Variants in ATRNL1 observed in about 807,000 individuals in gnomAD.
ATRNL1 encodes the protein attractin like 1, also known as attractin-like protein 1.
In ATRNL1, 95 loss-of-function variants were observed where a neutral mutation model predicts 182.7. The ratio of observed to expected loss-of-function variants is 0.52; its 90% CI spans 0.44 to 0.62. The LOEUF is 0.62. Among genes scored for constraint, ATRNL1 ranks in the 20% least tolerant of loss-of-function variants. The pLI, the probability that ATRNL1 is intolerant of heterozygous loss-of-function variation, is 0.00. For synonymous variants in ATRNL1, 576 were observed against 568.3 expected, an observed-to-expected ratio of 1.01 and a Z score of -0.19; for missense variants, 1,471 against 1,679.5, an observed-to-expected ratio of 0.88 and a Z score of 2.17.
At chr10:115,223,253 C>G (rs1395533348) in intron 9 of ATRNL1, among the ~76,000 whole-genome samples, 1 of 152,098 alleles carries the variant, frequency 6.6e-6, no homozygotes, top group African/African-American at 2.4e-5. Context: ...TGGACTCCAG[C>G]CTGGACGACA....
intron 24 of ATRNL1, among the ~76,000 whole-genome samples, chr10:115,470,884 GTTTA>G (rs1269035961): frequency 2.0e-5 from 3 of 150,578 alleles, no homozygotes; most frequent in Admixed American, 1.3e-4. Flanking sequence ...TAATATATGT[GTTTA>G]TTTATAAGAC....
At chr10:115,777,465 C>G in intron 27 of ATRNL1, among the ~76,000 whole-genome samples, 1 of 152,004 alleles carries the variant, frequency 6.6e-6, no homozygotes, top group East Asian at 1.9e-4. Flanking sequence ...TCTTGCTAAG[C>G]AAATAGTATA....
chr10:115,596,549 G>T (rs1477153421), intron 26 of ATRNL1, among the ~76,000 whole-genome samples: 1 of 152,176 alleles, frequency 6.6e-6, no homozygotes, highest in East Asian at 1.9e-4. Flanking sequence ...TGGAAAGGAA[G>T]ATCTTTGTGC....
intron 15 of ATRNL1, among the ~76,000 whole-genome samples, chr10:115,293,573 A>G (rs1301210518): frequency 2.0e-5 from 3 of 151,604 alleles, no homozygotes; most frequent in Admixed American, 6.6e-5. Context: ...ATAATTTTGT[A>G]TATGTTCATT....
intron 8 of ATRNL1, among the ~76,000 whole-genome samples, chr10:115,173,817 GTTA>G (rs1847385911): frequency 6.7e-6 from 1 of 148,464 alleles, no homozygotes; most frequent in African/African-American, 2.5e-5. Context: ...TCCCTTTATT[GTTA>G]TTATTGTTTA....
At chr10:115,810,081 G>A (rs555379758) in intron 27 of ATRNL1, among the ~76,000 whole-genome samples, 2 of 151,694 alleles carry the variant, frequency 1.3e-5, no homozygotes, top group African/African-American at 4.8e-5. Context: ...TGTTATTATG[G>A]TAAATTAAAT....
At chr10:115,120,613 A>G (rs1187265936) in intron 2 of ATRNL1, among the ~76,000 whole-genome samples, 3 of 152,104 alleles carry the variant, frequency 2.0e-5, no homozygotes, top group Non-Finnish European at 4.4e-5. Flanking sequence ...ATAATTTAGC[A>G]TTTTAGTTCA....
intron 20 of ATRNL1, among the ~76,000 whole-genome samples, chr10:115,398,018 C>T (rs782506566): frequency 2.6e-5 from 4 of 151,738 alleles, no homozygotes; most frequent in South Asian, 2.1e-4. Context: ...TGATATTTGG[C>T]GGGGATTAGG....
chr10:115,759,841 ATTTTTTT>A (rs58578796), intron 27 of ATRNL1, among the ~76,000 whole-genome samples: 6 of 62,698 alleles, frequency 9.6e-5, no homozygotes, highest in African/African-American at 2.9e-4. Flanking sequence ...ACACCTGGCT[ATTTTTTT>A]TTTTTTTTTT....
At chr10:115,306,162 C>T (rs1195641455) in intron 17 of ATRNL1, among the ~76,000 whole-genome samples, 2 of 152,044 alleles carry the variant, frequency 1.3e-5, no homozygotes, top group African/African-American at 4.8e-5. Flanking sequence ...GTATAACACA[C>T]ATAACATAAA....
chr10:115,268,596 T>A, intron 13 of ATRNL1, 152 bp downstream of exon 13: 1 of 559,912 alleles, frequency 1.8e-6, no homozygotes, highest in Non-Finnish European at 3.2e-6. Flanking sequence ...CTTGGCAAAT[T>A]GTGAAGTTAG....
chr10:115,350,913 T>C (rs186954570), intron 19 of ATRNL1, among the ~76,000 whole-genome samples: 1 of 152,298 alleles, frequency 6.6e-6, no homozygotes, highest in East Asian at 1.9e-4. Flanking sequence ...TGATATATAT[T>C]TTCTTTTTTG....
chr10:115,196,973 C>T lies in ATRNL1; in HGVS notation c.1349-18724C>T, dbSNP rs533593476. Among the ~76,000 whole-genome samples the T allele has an allele frequency of 7.9e-5, 12 of 152,190 alleles. No homozygotes were observed. In the South Asian group the frequency reaches 2.3e-3, roughly 29 times the overall value. On this transcript the variant is annotated intron_variant, in intron 8 of 28. Coordinates refer to ENST00000355044, the MANE Select transcript of ATRNL1 (RefSeq NM_207303.4). ...GTGACAGCAGATATTCCTGCCTTTT[C>T]CCTTATTTTAGCAGGGAAATATGCA...
chr10:115,182,822 A>G (rs1847798994), intron 8 of ATRNL1, among the ~76,000 whole-genome samples: 1 of 151,628 alleles, frequency 6.6e-6, no homozygotes, highest in East Asian at 1.9e-4. Context: ...TATAGAAAAC[A>G]GAAACCACAG....
chr10:115,479,270 A>G (rs1295134701), intron 24 of ATRNL1, among the ~76,000 whole-genome samples: 1 of 151,592 alleles, frequency 6.6e-6, no homozygotes, highest in Non-Finnish European at 1.5e-5. Context: ...TTGTAGTACC[A>G]TAGTCTTATA....
chr10:115,890,289 G>T (rs1029737989), intron 28 of ATRNL1, among the ~76,000 whole-genome samples: 1 of 152,136 alleles, frequency 6.6e-6, no homozygotes, highest in Non-Finnish European at 1.5e-5. Flanking sequence ...AGAATGAGAA[G>T]TTGAAGGATT....
intron 27 of ATRNL1, among the ~76,000 whole-genome samples, chr10:115,783,438 C>T (rs1465917974): frequency 2.0e-5 from 3 of 152,120 alleles, no homozygotes; most frequent in Non-Finnish European, 4.4e-5. Flanking sequence ...TAACTGTGAA[C>T]ATATCATTTA....
intron 28 of ATRNL1, among the ~76,000 whole-genome samples, chr10:115,873,866 T>C (rs1270268410): frequency 2.0e-5 from 3 of 152,228 alleles, no homozygotes; most frequent in African/African-American, 7.2e-5. Context: ...AGAAATGATA[T>C]TGAGAATTCT....
chr10:115,493,777 GTTA>G (rs1849421972), intron 24 of ATRNL1, among the ~76,000 whole-genome samples: 1 of 152,134 alleles, frequency 6.6e-6, no homozygotes, highest in Non-Finnish European at 1.5e-5. Flanking sequence ...ACTAGCTTCT[GTTA>G]TTATTTGACT....
Sources: gnomAD v4.1 joint callset for allele counts (sites outside exome capture counted in the v4.1 genomes callset) on GRCh38, gnomAD v4.1.1 for gene constraint, MANE v1.5 for transcripts, NCBI Gene and HGNC (gene_info 2026-07-23, HGNC 2026-07-21) for gene names.